PMFBP1: variants seen among roughly 807,000 people sequenced by gnomAD.
PMFBP1 encodes polyamine-modulated factor 1-binding protein 1.
PMFBP1 carries 131 observed loss-of-function variants against 137.8 expected under a neutral mutation model. The observed-to-expected ratio is 0.95, with a 90% CI of 0.82 to 1.10. PMFBP1 has a LOEUF of 1.10. PMFBP1 is among the 50% of genes least tolerant of loss of function. The probability of loss-of-function intolerance (pLI) is 0.00; values close to 1 mark genes in which losing one functional copy is unlikely to be tolerated. For missense variants in PMFBP1, 1,199 were observed against 1,175.4 expected, an observed-to-expected ratio of 1.02 and a Z score of -0.29; for synonymous variants, 490 against 450.4, an observed-to-expected ratio of 1.09 and a Z score of -1.11.
Position 72,150,618 on chromosome 16 carries a change from A to G in PMFBP1, c.626T>C (p.Ile209Thr), listed in dbSNP as rs950047542. ...VKMLQGELGG[I>T]MGQEPENKGD... is the part of the protein sequence containing the mutation. The stretch of plus-strand genomic sequence containing the variant: ...TGACTTAAGTCCTACCTGACCCATG[A>G]TCCCGCCGAGTTCCCCCTGCAACAT... Residue 209 changes from isoleucine (I) to threonine (T), a missense_variant, in exon 5 of 21, where the codon ATC becomes ACC. Physicochemically the swap from Ile to Thr is moderately conservative, Grantham distance 89 (BLOSUM62 -1). Coordinates refer to ENST00000237353, the MANE Select transcript of PMFBP1 (RefSeq NM_031293.3). 2 of 1,612,790 alleles carry G rather than the reference A, an allele frequency of 1.2e-6. No individual in the cohort carries two copies. The highest frequency in any genetic ancestry group is 1.1e-5 in the South Asian group (1 of 91,006).
the PMFBP1 span, among the ~76,000 whole-genome samples, chr16:72,204,208 G>C: frequency 7.0e-6 from 1 of 143,586 alleles, no homozygotes; most frequent in African/African-American, 2.7e-5. Flanking sequence ...TTTTTTTTGA[G>C]ACAGGGTCTT....
chr16:72,144,464 GT>G (rs1163186902), intron 5 of PMFBP1, among the ~76,000 whole-genome samples: 1 of 152,134 alleles, frequency 6.6e-6, no homozygotes, highest in African/African-American at 2.4e-5. Flanking sequence ...TCCAGAGAAG[GT>G]CCCGTGTACA....
chr16:72,238,187 G>A, the PMFBP1 span, among the ~76,000 whole-genome samples: 3 of 152,174 alleles, frequency 2.0e-5, no homozygotes, highest in Admixed American at 6.5e-5. Flanking sequence ...TTGCAAAGTT[G>A]AATGGTGGTT....
At position 72,171,355 on chromosome 16, in the gene PMFBP1, G is replaced by T. The variant is rs537171885; in HGVS notation, c.-60-87C>A. On this transcript the variant is annotated intron_variant, in intron 1 of 20. Coordinates refer to ENST00000237353, the MANE Select transcript of PMFBP1 (RefSeq NM_031293.3). Reference sequence around the variant, plus strand: ...TTTCCCAGCTGGATCTATGCCCTCAGCAAGAGGTTTGGAAAATTTTCCTGA... The same window carrying T: ...TTTCCCAGCTGGATCTATGCCCTCATCAAGAGGTTTGGAAAATTTTCCTGA... 37 of 881,204 alleles carry T rather than the reference G, an allele frequency of 4.2e-5. No homozygotes were observed. The African/African-American group carries it at 4.7e-4, about 11-fold the overall frequency. The allele number at this position is 881,204 out of a possible 1,614,324, so 54.6% of individuals were successfully genotyped here.
the PMFBP1 span, among the ~76,000 whole-genome samples, chr16:72,184,568 T>C: frequency 6.6e-6 from 1 of 152,170 alleles, no homozygotes; most frequent in Non-Finnish European, 1.5e-5. Context: ...TTATTGTAAA[T>C]GAGAAACTAA....
chr16:72,228,289 T>G, the PMFBP1 span, among the ~76,000 whole-genome samples: 2 of 152,216 alleles, frequency 1.3e-5, no homozygotes, highest in African/African-American at 4.8e-5. Context: ...AGGAAGGTTC[T>G]GAGTATCGTG....
chr16:72,225,327 T>C, the PMFBP1 span, among the ~76,000 whole-genome samples: 3 of 152,128 alleles, frequency 2.0e-5, no homozygotes, highest in African/African-American at 7.2e-5. Flanking sequence ...TTTCACTTAG[T>C]CTCCGAGGTC....
the PMFBP1 span, among the ~76,000 whole-genome samples, chr16:72,229,525 T>C: frequency 6.6e-6 from 1 of 152,170 alleles, no homozygotes; most frequent in African/African-American, 2.4e-5. Context: ...TTTTTTTCTT[T>C]TTTCTTTTTA....
intron 14 of PMFBP1, 121 bp from the exon 15 acceptor site, chr16:72,126,253 C>A: frequency 9.4e-7 from 1 of 1,059,224 alleles, no homozygotes; most frequent in Non-Finnish European, 1.4e-6. Flanking sequence ...CTGCAGAGTC[C>A]GTGTTAACAC....
At chr16:72,137,685 G>GT (rs2042653644) in intron 7 of PMFBP1, among the ~76,000 whole-genome samples, 2 of 152,150 alleles carry the variant, frequency 1.3e-5, no homozygotes. Flanking sequence ...TGGGGCTTGG[G>GT]GTCCTTCTGC....
chr16:72,125,836 C>A, intron 15 of PMFBP1, 132 bp downstream of exon 15: 3 of 1,173,030 alleles, frequency 2.6e-6, no homozygotes, highest in Non-Finnish European at 2.4e-6. Context: ...CACAGACATC[C>A]CAGCCCACAC....
intron 3 of PMFBP1, among the ~76,000 whole-genome samples, chr16:72,162,431 A>G (rs1308569807): frequency 6.6e-6 from 1 of 152,214 alleles, no homozygotes; most frequent in African/African-American, 2.4e-5. Flanking sequence ...CTAATGTAAC[A>G]TTTTAATCTT....
the PMFBP1 span, among the ~76,000 whole-genome samples, chr16:72,199,458 A>T: frequency 6.6e-6 from 1 of 152,162 alleles, no homozygotes; most frequent in Non-Finnish European, 1.5e-5. Context: ...GTTCAAGACC[A>T]GCCTGGCTAA....
chr16:72,242,741 G>A, the PMFBP1 span, among the ~76,000 whole-genome samples: 1 of 152,212 alleles, frequency 6.6e-6, no homozygotes, highest in East Asian at 1.9e-4. Context: ...ATGGATGAAA[G>A]GGGAAAATAT....
intron 10 of PMFBP1, among the ~76,000 whole-genome samples, chr16:72,131,483 C>G (rs868209191): frequency 6.6e-6 from 1 of 152,186 alleles, no homozygotes; most frequent in Non-Finnish European, 1.5e-5. Flanking sequence ...TTCTAGCCCA[C>G]GCCTTTGCCT....
Position 72,150,718 on chromosome 16 carries a change from T to TC in PMFBP1, c.525dup (p.Arg176GlufsTer9). On this transcript the variant is annotated frameshift_variant, in exon 5 of 21. Transcript: ENST00000237353. LOFTEE classifies it high-confidence loss of function. The stretch of plus-strand genomic sequence containing the variant: ...TTATCCCTGTAGAGGTTTAAGCTCC[T>TC]CTCTAGAGAGGCGATCTTGTCCCCG... 1 of 1,614,178 alleles carries TC rather than the reference T, an allele frequency of 6.2e-7. No homozygotes were observed. The highest frequency in any genetic ancestry group is 1.1e-5 in the South Asian group (1 of 91,078).
At chr16:72,122,669 AGC>A (rs1211219102) in intron 19 of PMFBP1, among the ~76,000 whole-genome samples, 6 of 152,268 alleles carry the variant, frequency 3.9e-5, no homozygotes, top group Middle Eastern at 3.4e-3. Context: ...GAACCATGAG[AGC>A]AGGAAGGAGC....
chr16:72,142,072 G>C (rs1454717385), intron 5 of PMFBP1, among the ~76,000 whole-genome samples: 1 of 150,548 alleles, frequency 6.6e-6, no homozygotes, highest in African/African-American at 2.4e-5. Flanking sequence ...CATTAAACTT[G>C]TCTCTCTAAC....
the PMFBP1 span, among the ~76,000 whole-genome samples, chr16:72,223,604 G>C: frequency 6.6e-6 from 1 of 152,200 alleles, no homozygotes; most frequent in Non-Finnish European, 1.5e-5. Context: ...TGAAGCATGA[G>C]AATAAAAGAC....
Sources: allele counts gnomAD v4.1 joint callset (sites outside exome capture counted in the v4.1 genomes callset), GRCh38; gene constraint gnomAD v4.1.1; transcripts MANE v1.5; gene names NCBI Gene and HGNC (gene_info 2026-07-23, HGNC 2026-07-21).